Variants in NME4 observed in about 807,000 individuals in gnomAD.
NME4 encodes the protein nucleoside diphosphate kinase D, mitochondrial.
NME4 carries 21 observed loss-of-function variants against 16.4 expected under a neutral mutation model. The ratio of observed to expected loss-of-function variants is 1.28; its 90% CI spans 0.91 to 1.84. The LOEUF is 1.84. Ranked by LOEUF, NME4 falls within the 40% of genes most tolerant of loss-of-function variation. The probability of loss-of-function intolerance (pLI) is 0.00; values close to 1 mark genes in which losing one functional copy is unlikely to be tolerated. For missense variants in NME4, 316 were observed against 261.3 expected, an observed-to-expected ratio of 1.21 and a Z score of -1.44; for synonymous variants, 132 against 107.5, an observed-to-expected ratio of 1.23 and a Z score of -1.41.
In NME4 at chr16:400,688, G is replaced by A. The variant is rs989797241; in HGVS notation, c.*346G>A. 1.2e-5 allele frequency: 3 copies of A among 245,154 alleles called. No individual in the cohort carries two copies. The highest frequency in any genetic ancestry group is 1.1e-4 in the Admixed American group (2 of 18,368). The allele number at this position is 245,154 out of a possible 1,614,324, so 15.2% of individuals were successfully genotyped here. The stretch of plus-strand genomic sequence containing the variant: ...TAATTATGACTTCCCCCAGCTCTGA[G>A]GTAGAAATGACGCCTTTATGCAAGT... On this transcript the variant is annotated 3_prime_UTR_variant, in exon 5 of 5. Transcript: ENST00000219479.
intron 1 of NME4, chr16:398,449 C>G (rs2054594002): frequency 8.6e-7 from 1 of 1,167,370 alleles, no homozygotes; most frequent in Admixed American, 3.5e-5. Flanking sequence ...AGGGTGGGCT[C>G]TGGGTTCTTC....
Position 398,205 on chromosome 16 carries a change from C to T in NME4, c.92-785C>T, listed in dbSNP as rs948023770. The T allele has an allele frequency of 5.4e-6, 8 of 1,471,494 alleles. No individual in the cohort carries two copies. In the African/African-American group the frequency reaches 1.1e-4, roughly 21 times the overall value. The allele number at this position is 1,471,494 out of a possible 1,614,324, so 91.2% of individuals were successfully genotyped here. A position where few individuals can be genotyped will look rare whatever the true frequency, so the allele number is the denominator to read the frequency against. ...GTGAGGACGTCTTCTGTTTCCCTGG[C>T]AGCGTCCCCTCCAGAGGAGGACGGC... On this transcript the variant is annotated intron_variant, in intron 1 of 4. Transcript: ENST00000219479.
At chr16:397,141 G>A, upstream of NME4, 1 of 449,632 alleles carries the variant, frequency 2.2e-6, no homozygotes, top group African/African-American at 2.4e-5. Context: ...GGGGGCTCCC[G>A]GGCGGGCGGG....
intron 1 of NME4, chr16:397,832 T>C: frequency 6.6e-7 from 1 of 1,526,118 alleles, no homozygotes; most frequent in Non-Finnish European, 8.8e-7. Context: ...GCCCCGCCGC[T>C]GCCCGGCCCC....
At position 398,362 on chromosome 16, in the gene NME4, G is replaced by A. The variant is rs2054592607; in HGVS notation, c.92-628G>A. ...CTCTTCAATCTTCAGGCCCCTTTTT[G>A]TCCGTGTTTCCAGGGCTCACCTGGT... On this transcript the variant is annotated intron_variant, in intron 1 of 4. Coordinates refer to ENST00000219479, the MANE Select transcript of NME4 (RefSeq NM_005009.3). 3.1e-6 allele frequency: 4 copies of A among 1,276,782 alleles called. No homozygotes were observed. The South Asian group carries it at 3.7e-5, about 12-fold the overall frequency. 79.1% of individuals were successfully genotyped at this position (1,276,782 alleles called of 1,614,324 possible).
rs2054643260 is a variant in NME4 at position 400,644 on chromosome 16, C to T, written c.*302C>T. ...GGGAGGCATTAAAATTCACTGTGCC[C>T]AGCACATGGGTGGTACACTAATTAT... On this transcript the variant is annotated 3_prime_UTR_variant, in exon 5 of 5. Coordinates refer to ENST00000219479, the MANE Select transcript of NME4 (RefSeq NM_005009.3). The T allele has an allele frequency of 2.8e-6, 1 of 360,548 alleles. No homozygotes were observed. The highest frequency in any genetic ancestry group is 5.0e-6 in the Non-Finnish European group (1 of 198,790). 22.3% of individuals were successfully genotyped at this position (360,548 alleles called of 1,614,324 possible).
rs749851577 is a variant in NME4, at chr16:399,499, G to A, written c.327+19G>A. On this transcript the variant is annotated intron_variant, in intron 3 of 4. Transcript: ENST00000219479. ...GGCCATGGTACGGCAGGGCAGGGGT[G>A]GTGGAAGGGCCTGTGGGTAAAGGGC... The A allele has an allele frequency of 3.1e-6, 5 of 1,609,338 alleles. No homozygotes were observed. In the Admixed American group the frequency reaches 8.3e-5, roughly 27 times the overall value.
At chr16:398,296 A>G (rs1269014379) in intron 1 of NME4, 2 of 1,353,254 alleles carry the variant, frequency 1.5e-6, no homozygotes, top group South Asian at 1.2e-5. Context: ...ACAGCAGCAC[A>G]GGCCCCGTCT....
intron 2 of NME4, 122 bp downstream of exon 2, chr16:399,245 G>A (rs567911292): frequency 6.9e-7 from 1 of 1,451,048 alleles, no homozygotes; most frequent in Admixed American, 1.7e-5. Flanking sequence ...AGGGGCAGGA[G>A]GGATCTATTC....
At chr16:399,562 C>T (rs2054615060) in intron 3 of NME4, 65 bp from the exon 4 acceptor site, 2 of 1,591,814 alleles carry the variant, frequency 1.3e-6, no homozygotes, top group Non-Finnish European at 1.7e-6. Flanking sequence ...AGGGAGGGGC[C>T]CTGGATTGAG....
chr16:397,487 T>C (rs2054567063), intron 1 of NME4, among the ~76,000 whole-genome samples, 174 bp downstream of exon 1: 1 of 136,862 alleles, frequency 7.3e-6, no homozygotes. Flanking sequence ...CGCACGCCCC[T>C]CCAGTGCCCG....
intron 4 of NME4, 57 bp downstream of exon 4, chr16:399,796 G>T: frequency 7.0e-7 from 1 of 1,428,100 alleles, no homozygotes; most frequent in Non-Finnish European, 9.9e-7. Context: ...CCATCACTTG[G>T]GGTGGTGGCA....
chr16:398,548 C>T (rs140846014), intron 1 of NME4: 44 of 560,572 alleles, frequency 7.8e-5, no homozygotes, highest in Non-Finnish European at 1.0e-4. Context: ...TGCAGGATCT[C>T]CAGACTTCCC....
chr16:400,400 A>G lies in NME4; in HGVS notation c.*58A>G. 1 of 1,565,728 alleles carries G rather than the reference A, an allele frequency of 6.4e-7. No individual in the cohort carries two copies. The highest frequency in any genetic ancestry group is 8.6e-7 in the Non-Finnish European group (1 of 1,167,964). On this transcript the variant is annotated 3_prime_UTR_variant, in exon 5 of 5. Transcript: ENST00000219479. ...CGCAGGACCAACTACCTCCGTCAGC[A>G]AGAACCCAAGCCCACATCCAAACCT... is the stretch of plus-strand genomic sequence containing the variant.
intron 1 of NME4, chr16:398,787 G>A (rs1436003454): frequency 1.5e-6 from 1 of 669,964 alleles, no homozygotes; most frequent in African/African-American, 1.8e-5. Context: ...AAGCCCTGGG[G>A]ACACATTGCC....
intron 1 of NME4, chr16:398,610 G>A (rs1448592822): frequency 2.5e-6 from 1 of 398,668 alleles, no homozygotes; most frequent in East Asian, 6.2e-5. Flanking sequence ...TGGTCGCTGA[G>A]CTGGGCTGTC....
rs1400528519 is a variant in NME4 at position 400,562 on chromosome 16, C to T, written c.*220C>T. 2.8e-5 allele frequency: 14 copies of T among 503,930 alleles called. No homozygotes were observed. Among genetic ancestry groups the T allele is most frequent in the South Asian group, 7.7e-5 (2 of 26,116 alleles). The allele number at this position is 503,930 out of a possible 1,614,324, so 31.2% of individuals were successfully genotyped here. ...ACCAATCCTTTTTGCACCAAAGTGC[C>T]GGACAACCTTTGTGGTGGGGGGGGG... On this transcript the variant is annotated 3_prime_UTR_variant, in exon 5 of 5. Coordinates refer to ENST00000219479, the MANE Select transcript of NME4 (RefSeq NM_005009.3).
intron 1 of NME4, chr16:397,831 CT>C (rs2141785811): frequency 1.3e-6 from 2 of 1,534,206 alleles, no homozygotes; most frequent in South Asian, 2.4e-5. Flanking sequence ...GGCCCCGCCG[CT>C]GCCCGGCCCC....
In NME4 at chr16:399,464, G is replaced by C; in HGVS notation, c.311G>C (p.Gly104Ala). The change falls in exon 3 of 5, where the codon GGG (glycine) becomes GCG (alanine). Residue 104 changes from glycine to alanine, a missense_variant. Transcript: ENST00000219479. ...GCCCTCATCCGCTACATGAGCTCTGGGCCTGTGGTGGCCATGGTACGGCAG... is the reference window on the plus strand; with the variant it reads ...GCCCTCATCCGCTACATGAGCTCTGCGCCTGTGGTGGCCATGGTACGGCAG... ...YPALIRYMSS[G>A]PVVAMVWEGY... is the part of the protein sequence containing the mutation. The C allele has an allele frequency of 6.2e-7, 1 of 1,612,842 alleles. No individual in the cohort carries two copies. The highest frequency in any genetic ancestry group is 1.1e-5 in the South Asian group (1 of 91,080).
Sources: gnomAD v4.1 joint callset for allele counts (sites outside exome capture counted in the v4.1 genomes callset) on GRCh38, gnomAD v4.1.1 for gene constraint, MANE v1.5 for transcripts, NCBI Gene and HGNC (gene_info 2026-07-23, HGNC 2026-07-21) for gene names.